TESC: variants seen among roughly 807,000 people sequenced by gnomAD.
The protein encoded by TESC is calcineurin B homologous protein 3.
In TESC, 19 loss-of-function variants were observed where a neutral mutation model predicts 31.0. The observed-to-expected ratio is 0.61, with a 90% confidence interval of 0.43 to 0.90. The LOEUF (loss-of-function observed/expected upper bound fraction) is 0.90, where lower values mean the gene tolerates loss of function less well. TESC is among the 40% of genes least tolerant of loss of function. TESC has a pLI of 0.00. For synonymous variants in TESC, 109 were observed against 114.8 expected (o/e 0.95, Z 0.32); for missense variants, 248 against 303.8 (o/e 0.82, Z 1.36).
chr12:117,060,869 G>T (rs1954792587), intron 2 of TESC, among the ~76,000 whole-genome samples: 2 of 152,360 alleles, frequency 1.3e-5, no homozygotes, highest in South Asian at 4.1e-4. Flanking sequence ...GAATCTGGGA[G>T]AACAGAGAAG....
intron 7 of TESC, among the ~76,000 whole-genome samples, chr12:117,041,204 A>G (rs562323356): frequency 3.9e-5 from 6 of 152,312 alleles, no homozygotes; most frequent in Non-Finnish European, 8.8e-5. Flanking sequence ...CCGCTTTACG[A>G]AAGTGTCATT....
At chr12:117,065,599 T>C (rs1030605850) in intron 2 of TESC, among the ~76,000 whole-genome samples, 1 of 152,048 alleles carries the variant, frequency 6.6e-6, no homozygotes, top group African/African-American at 2.4e-5. Context: ...CATACAGATG[T>C]AGGAGCTGGC....
At chr12:117,075,895 A>ATGTGTATATATATATATATATATGTGTG (rs1294018242) in intron 1 of TESC, among the ~76,000 whole-genome samples, 8 of 83,054 alleles carry the variant, frequency 9.6e-5, no homozygotes, top group Admixed American at 2.5e-4. Flanking sequence ...ATATATATAT[A>ATGTGTATATATATATATATATATGTGTG]TATATATATA....
At chr12:117,096,716 T>C (rs979112562) in intron 1 of TESC, among the ~76,000 whole-genome samples, 2 of 152,054 alleles carry the variant, frequency 1.3e-5, no homozygotes, top group African/African-American at 4.8e-5. Flanking sequence ...TCAGAGAGCA[T>C]AAGTGACTTG....
intron 1 of TESC, among the ~76,000 whole-genome samples, chr12:117,098,007 A>G (rs1291343309): frequency 1.3e-5 from 2 of 152,218 alleles, no homozygotes; most frequent in East Asian, 1.9e-4. Flanking sequence ...ATATAGACGT[A>G]TAAGTGCGTG....
At chr12:117,068,216 A>G (rs1954913951) in intron 2 of TESC, among the ~76,000 whole-genome samples, 1 of 151,432 alleles carries the variant, frequency 6.6e-6, no homozygotes, top group Admixed American at 6.6e-5. Context: ...ACTTCAAAAA[A>G]TGACAGAGCA....
At chr12:117,043,786 A>G (rs1261677195) in intron 6 of TESC, among the ~76,000 whole-genome samples, 1 of 152,182 alleles carries the variant, frequency 6.6e-6, no homozygotes, top group South Asian at 2.1e-4. Context: ...ATAGATGCCA[A>G]TCTCACAACC....
chr12:117,084,382 G>C (rs974142303), intron 1 of TESC, among the ~76,000 whole-genome samples: 1 of 152,178 alleles, frequency 6.6e-6, no homozygotes, highest in African/African-American at 2.4e-5. Flanking sequence ...CCTGTCGAAG[G>C]GGCTGCCACC....
chr12:117,046,875 G>A (rs756614977), intron 4 of TESC, 37 bp from the exon 5 acceptor site: 88 of 1,544,706 alleles, frequency 5.7e-5, no homozygotes, highest in South Asian at 1.2e-4. Flanking sequence ...TCCGTCAGGC[G>A]GGGCCTGGCC....
intron 6 of TESC, among the ~76,000 whole-genome samples, chr12:117,042,550 C>A (rs766587477): frequency 6.7e-6 from 1 of 149,624 alleles, no homozygotes; most frequent in African/African-American, 2.5e-5. Context: ...CGTGAGTCAC[C>A]GTGATAACTC....
At chr12:117,073,702 G>A (rs1955009681) in intron 2 of TESC, among the ~76,000 whole-genome samples, 1 of 152,202 alleles carries the variant, frequency 6.6e-6, no homozygotes, top group Non-Finnish European at 1.5e-5. Context: ...ACATCTGTTA[G>A]AAGTTTATGG....
intron 7 of TESC, among the ~76,000 whole-genome samples, chr12:117,040,005 G>C (rs1379061730): frequency 6.6e-6 from 1 of 152,230 alleles, no homozygotes; most frequent in Non-Finnish European, 1.5e-5. Flanking sequence ...GAGGGACGTG[G>C]TGGGCGGGTG....
At chr12:117,098,844 C>A (rs1955431597) in intron 1 of TESC, among the ~76,000 whole-genome samples, 1 of 152,192 alleles carries the variant, frequency 6.6e-6, no homozygotes, top group African/African-American at 2.4e-5. Context: ...CTCTCGCGCT[C>A]ACGAATGCAA....
intron 6 of TESC, among the ~76,000 whole-genome samples, chr12:117,046,027 G>A (rs888588289): frequency 2.6e-5 from 4 of 152,162 alleles, no homozygotes; most frequent in Non-Finnish European, 5.9e-5. Context: ...TGTAATAAAT[G>A]ATGAACATGG....
chr12:117,063,930 C>T (rs1954834608), intron 2 of TESC, among the ~76,000 whole-genome samples: 1 of 152,178 alleles, frequency 6.6e-6, no homozygotes, highest in Non-Finnish European at 1.5e-5. Context: ...ATTAGAGATG[C>T]ACCATCTCTC....
chr12:117,092,267 G>T (rs1251487141), intron 1 of TESC, among the ~76,000 whole-genome samples: 1 of 152,176 alleles, frequency 6.6e-6, no homozygotes, highest in Non-Finnish European at 1.5e-5. Context: ...GCACAGGACG[G>T]CTCCAGCACC....
intron 1 of TESC, among the ~76,000 whole-genome samples, chr12:117,096,391 T>G (rs554021237): frequency 1.3e-5 from 2 of 152,256 alleles, no homozygotes; most frequent in Non-Finnish European, 2.9e-5. Context: ...GACGTTCCCA[T>G]GCCAAGCCGA....
intron 1 of TESC, among the ~76,000 whole-genome samples, chr12:117,087,878 TA>T: frequency 6.6e-6 from 1 of 152,308 alleles, no homozygotes; most frequent in Non-Finnish European, 1.5e-5. Flanking sequence ...CACCATGTGT[TA>T]ACATTTACCC....
intron 2 of TESC, among the ~76,000 whole-genome samples, chr12:117,071,195 C>T (rs117277139): frequency 0.022 from 3,380 of 152,338 alleles, 72 homozygotes; most frequent in Admixed American, 0.031. Context: ...TCATTACATT[C>T]ACTCCTCATT....
Sources: allele counts gnomAD v4.1 joint callset (sites outside exome capture counted in the v4.1 genomes callset), GRCh38; gene constraint gnomAD v4.1.1; transcripts MANE v1.5; gene names NCBI Gene and HGNC (gene_info 2026-07-23, HGNC 2026-07-21).